Variants in GALNT13 observed in about 807,000 individuals in gnomAD.
GALNT13 encodes the protein UDP-GalNAc:polypeptide N-acetylgalactosaminyltransferase 13.
GALNT13 carries 28 observed loss-of-function variants against 64.2 expected under a neutral mutation model. The ratio of observed to expected loss-of-function variants is 0.44; its 90% CI spans 0.32 to 0.60. The LOEUF is 0.60. GALNT13 is among the 20% of genes least tolerant of loss of function. The probability of loss-of-function intolerance (pLI) is 0.05; values close to 1 mark genes in which losing one functional copy is unlikely to be tolerated. For synonymous variants in GALNT13, 214 were observed against 224.6 expected, an observed-to-expected ratio of 0.95 and a Z score of 0.42; for missense variants, 577 against 669.8, an observed-to-expected ratio of 0.86 and a Z score of 1.53.
intron 3 of GALNT13, among the ~76,000 whole-genome samples, chr2:153,995,260 G>A (rs866324500): frequency 8.6e-5 from 13 of 151,812 alleles, no homozygotes; most frequent in Middle Eastern, 3.4e-3. Context: ...TAAAATCAAC[G>A]CCTTTGATTT....
the GALNT13 span, among the ~76,000 whole-genome samples, chr2:153,834,982 A>G: frequency 2.0e-5 from 3 of 152,126 alleles, no homozygotes; most frequent in Admixed American, 6.6e-5. Flanking sequence ...TAGAAACTCA[A>G]TTGAGAGAAG....
chr2:154,001,444 C>T (rs997726740), intron 3 of GALNT13, among the ~76,000 whole-genome samples: 1 of 151,460 alleles, frequency 6.6e-6, no homozygotes, highest in Non-Finnish European at 1.5e-5. Context: ...TAAGTTTTTG[C>T]TCTGTGGTTA....
At chr2:153,759,252 A>G in the GALNT13 span, among the ~76,000 whole-genome samples, 1 of 152,078 alleles carries the variant, frequency 6.6e-6, no homozygotes, top group Non-Finnish European at 1.5e-5. Flanking sequence ...AACATGAACA[A>G]TTTTCTTAAT....
At chr2:153,918,542 G>A (rs1689545368) in intron 2 of GALNT13, among the ~76,000 whole-genome samples, 1 of 152,078 alleles carries the variant, frequency 6.6e-6, no homozygotes, top group African/African-American at 2.4e-5. Context: ...GCATCTGTGA[G>A]ACAGGAAATT....
chr2:154,114,085 G>C (rs1285527121), intron 3 of GALNT13, among the ~76,000 whole-genome samples: 1 of 152,148 alleles, frequency 6.6e-6, no homozygotes, highest in Non-Finnish European at 1.5e-5. Context: ...GATGTGGTGG[G>C]AATCACCACT....
the GALNT13 span, among the ~76,000 whole-genome samples, chr2:153,069,503 T>A: frequency 5.3e-5 from 8 of 152,148 alleles, no homozygotes; most frequent in African/African-American, 1.9e-4. Context: ...TTATCTCCTC[T>A]ATTCATCTCA....
the GALNT13 span, among the ~76,000 whole-genome samples, chr2:153,498,362 C>A: frequency 6.6e-6 from 1 of 152,220 alleles, no homozygotes; most frequent in Non-Finnish European, 1.5e-5. Context: ...TTGTTCCGCC[C>A]TTGAAGGCTG....
the GALNT13 span, among the ~76,000 whole-genome samples, chr2:153,306,490 T>A: frequency 1.6e-4 from 25 of 152,206 alleles, no homozygotes; most frequent in African/African-American, 5.1e-4. Context: ...TCCAATTTAT[T>A]TACTAGAGTA....
intron 3 of GALNT13, among the ~76,000 whole-genome samples, chr2:154,037,117 A>AT (rs966171569): frequency 2.0e-5 from 3 of 152,040 alleles, no homozygotes; most frequent in Non-Finnish European, 2.9e-5. Flanking sequence ...ACATATGTTT[A>AT]TTTTTTTAAT....
At chr2:153,740,789 T>C in the GALNT13 span, among the ~76,000 whole-genome samples, 1 of 152,176 alleles carries the variant, frequency 6.6e-6, no homozygotes, top group African/African-American at 2.4e-5. Flanking sequence ...GGCTAGTTTG[T>C]GAATGCTTTG....
intron 9 of GALNT13, among the ~76,000 whole-genome samples, chr2:154,359,472 C>T (rs1229488331): frequency 1.3e-5 from 2 of 152,022 alleles, no homozygotes; most frequent in Non-Finnish European, 2.9e-5. Flanking sequence ...TACCATTCAC[C>T]TACTGGAGGC....
At chr2:153,796,580 C>T in the GALNT13 span, among the ~76,000 whole-genome samples, 2 of 152,024 alleles carry the variant, frequency 1.3e-5, no homozygotes, top group African/African-American at 2.4e-5. Context: ...AAATTTAGTA[C>T]ATTGAGATTT....
chr2:153,805,339 A>T, the GALNT13 span, among the ~76,000 whole-genome samples: 1 of 152,120 alleles, frequency 6.6e-6, no homozygotes, highest in African/African-American at 2.4e-5. Flanking sequence ...CCAAAACGAA[A>T]TTGAGTAATA....
At chr2:154,317,600 G>A (rs1694394284) in intron 9 of GALNT13, among the ~76,000 whole-genome samples, 1 of 152,062 alleles carries the variant, frequency 6.6e-6, no homozygotes, top group African/African-American at 2.4e-5. Flanking sequence ...AATGGATTTC[G>A]ACTCAGCACG....
At chr2:154,398,439 T>G (rs1464737993) in intron 10 of GALNT13, among the ~76,000 whole-genome samples, 1 of 152,230 alleles carries the variant, frequency 6.6e-6, no homozygotes. Context: ...TAATTCACTT[T>G]CTAAAATGTA....
chr2:154,259,259 G>T (rs1324818162), intron 8 of GALNT13, 121 bp downstream of exon 8: 2 of 664,754 alleles, frequency 3.0e-6, no homozygotes, highest in East Asian at 2.9e-5. Context: ...CTGATCAATT[G>T]GTTATCTTAA....
chr2:154,287,275 G>A (rs1692323700), intron 8 of GALNT13: 3 of 767,558 alleles, frequency 3.9e-6, no homozygotes, highest in South Asian at 1.4e-5. Flanking sequence ...AGACAGCAGA[G>A]CTGATCCCCA....
At chr2:153,275,564 G>T in the GALNT13 span, among the ~76,000 whole-genome samples, 1 of 152,178 alleles carries the variant, frequency 6.6e-6, no homozygotes, top group East Asian at 1.9e-4. Context: ...ATAAATTTCT[G>T]TTCTTTATAA....
At chr2:154,150,308 T>C (rs2105617624) in intron 4 of GALNT13, among the ~76,000 whole-genome samples, 1 of 152,250 alleles carries the variant, frequency 6.6e-6, no homozygotes, top group African/African-American at 2.4e-5. Flanking sequence ...AGCTTTTTGA[T>C]GTGCTGCTGG....
Sources: allele counts gnomAD v4.1 joint callset (sites outside exome capture counted in the v4.1 genomes callset), GRCh38; gene constraint gnomAD v4.1.1; transcripts MANE v1.5; gene names NCBI Gene and HGNC (gene_info 2026-07-23, HGNC 2026-07-21).